Variants in CCDC7 observed in about 807,000 individuals in gnomAD.
CCDC7 encodes coiled-coil domain-containing protein 7.
In CCDC7, 183 loss-of-function variants were observed where a neutral mutation model predicts 196.9. The ratio of observed to expected loss-of-function variants is 0.93; its 90% CI spans 0.82 to 1.05. The LOEUF (loss-of-function observed/expected upper bound fraction) is 1.05. CCDC7 is among the 50% of genes least tolerant of loss of function. The pLI is 0.00. For synonymous variants in CCDC7, 525 were observed against 484.6 expected (o/e 1.08, Z -1.10); for missense variants, 1,540 against 1,482.2 (o/e 1.04, Z -0.64).
chr10:32,602,822 A>G (rs2138402393), intron 18 of CCDC7, among the ~76,000 whole-genome samples: 1 of 152,196 alleles, frequency 6.6e-6, no homozygotes, highest in East Asian at 1.9e-4. Context: ...TAGCTTGTAA[A>G]TGTTTTTGAT....
rs1202615421 is a variant in CCDC7 at position 32,636,040 on chromosome 10, C to T, written c.2014+882C>T. Reference sequence around the variant, plus strand: ...TATTTTAAACTTTATTCTAAAGACACCTCTGTGTATCTAAAAAGTAGCATA... The same window carrying T: ...TATTTTAAACTTTATTCTAAAGACATCTCTGTGTATCTAAAAAGTAGCATA... On this transcript the variant is annotated intron_variant, in intron 20 of 41. Coordinates refer to ENST00000639629, the Ensembl canonical transcript of CCDC7. Among the ~76,000 whole-genome samples the T allele has an allele frequency of 2.6e-5, 4 of 152,152 alleles. No homozygotes were observed. In the South Asian group the frequency reaches 6.2e-4, roughly 24 times the overall value.
At chr10:32,723,355 C>T (rs946530928) in intron 25 of CCDC7, among the ~76,000 whole-genome samples, 35 of 152,134 alleles carry the variant, frequency 2.3e-4, no homozygotes, top group African/African-American at 8.4e-4. Flanking sequence ...GTACCACAGA[C>T]TGATCAGCAT....
At chr10:32,581,190 A>G (rs1337107266) in intron 16 of CCDC7, among the ~76,000 whole-genome samples, 1 of 152,174 alleles carries the variant, frequency 6.6e-6, no homozygotes, top group Non-Finnish European at 1.5e-5. Flanking sequence ...CATGCTCATA[A>G]TTAGACTATT....
In CCDC7 at chr10:32,708,451, G is replaced by A. The variant is rs537241343; in HGVS notation, c.2459-3169G>A. Among the ~76,000 whole-genome samples the A allele has an allele frequency of 7.9e-5, 12 of 152,220 alleles. No homozygotes were observed. In the South Asian group the frequency reaches 8.3e-4, roughly 11 times the overall value. On this transcript the variant is annotated intron_variant, in intron 24 of 41. Transcript: ENST00000639629. ...CTAGAACACCAAAAGCAATGGCAAC[G>A]AAAGCCAAAATAGACAAATGGGATC...
chr10:32,539,902 T>C (rs994751958), intron 11 of CCDC7, among the ~76,000 whole-genome samples: 2 of 152,200 alleles, frequency 1.3e-5, no homozygotes, highest in African/African-American at 4.8e-5. Flanking sequence ...TTGATTTTTT[T>C]TTAACTTGCT....
At chr10:32,511,773 C>G in intron 9 of CCDC7, 1 of 1,470,028 alleles carries the variant, frequency 6.8e-7, no homozygotes, top group Non-Finnish European at 9.5e-7. Context: ...ACTCCAGCCT[C>G]CCGGAAAGCG....
At chr10:32,638,611 G>C (rs1156917054) in intron 20 of CCDC7, among the ~76,000 whole-genome samples, 2 of 152,102 alleles carry the variant, frequency 1.3e-5, no homozygotes, top group Admixed American at 1.3e-4. Context: ...GCTTTCTGAT[G>C]TGCTTCTGGA....
At chr10:32,688,924 T>C in intron 22 of CCDC7, 129 bp from the exon 24 acceptor site, 1 of 645,846 alleles carries the variant, frequency 1.5e-6, no homozygotes, top group Admixed American at 3.1e-5. Context: ...AGATATAGCA[T>C]TATGGTAATT....
chr10:32,659,348 T>C (rs2070726786), intron 20 of CCDC7, among the ~76,000 whole-genome samples: 1 of 152,210 alleles, frequency 6.6e-6, no homozygotes, highest in Non-Finnish European at 1.5e-5. Context: ...TCTGAAAAAT[T>C]TCCTGTGATT....
At chr10:32,478,510 T>C (rs1019197304) in intron 8 of CCDC7, among the ~76,000 whole-genome samples, 47 of 152,190 alleles carry the variant, frequency 3.1e-4, no homozygotes, top group Non-Finnish European at 7.4e-5. Flanking sequence ...CAAAGAGTTT[T>C]TTAAAATTAT....
intron 26 of CCDC7, among the ~76,000 whole-genome samples, chr10:32,727,199 A>G (rs982939853): frequency 6.6e-6 from 1 of 152,162 alleles, no homozygotes; most frequent in African/African-American, 2.4e-5. Context: ...GCTTCAGTCA[A>G]CAAACTGAGA....
chr10:32,853,543 C>T (rs2093641813), intron 40 of CCDC7, among the ~76,000 whole-genome samples: 1 of 152,094 alleles, frequency 6.6e-6, no homozygotes, highest in Admixed American at 6.5e-5. Context: ...GAGAAAGTAC[C>T]ATTCAAATGT....
At chr10:32,471,854 C>T (rs946961627) in intron 6 of CCDC7, among the ~76,000 whole-genome samples, 1 of 152,108 alleles carries the variant, frequency 6.6e-6, no homozygotes, top group Non-Finnish European at 1.5e-5. Context: ...GAGTTGGCTC[C>T]TGGGGGTTGC....
At chr10:32,677,665 A>G (rs559932437) in intron 21 of CCDC7, among the ~76,000 whole-genome samples, 5 of 151,952 alleles carry the variant, frequency 3.3e-5, no homozygotes, top group African/African-American at 4.8e-5. Context: ...AGTTTTGACA[A>G]TTTAATGTGT....
At chr10:32,705,865 C>T (rs751474068) in intron 24 of CCDC7, among the ~76,000 whole-genome samples, 35 of 152,060 alleles carry the variant, frequency 2.3e-4, no homozygotes, top group Non-Finnish European at 4.0e-4. Context: ...CACACAATAA[C>T]AATGGGAGAC....
Position 32,572,138 on chromosome 10 carries a change from C to T in CCDC7, c.1454+245C>T, listed in dbSNP as rs557486186. ...CAATGTAGAAACAAACTTTTTTTTC[C>T]TGACAACAGCAATTAAAATTTCCAG... On this transcript the variant is annotated intron_variant, in intron 16 of 41. Transcript: ENST00000639629. Among the ~76,000 whole-genome samples the T allele has an allele frequency of 2.6e-5, 4 of 151,718 alleles. No individual in the cohort carries two copies. The East Asian group carries it at 7.7e-4, about 29-fold the overall frequency.
At chr10:32,501,856 G>A (rs906268592) in intron 9 of CCDC7, among the ~76,000 whole-genome samples, 6 of 152,220 alleles carry the variant, frequency 3.9e-5, no homozygotes, top group African/African-American at 1.4e-4. Context: ...TCCGTTGTCA[G>A]AGCTTGAACA....
At chr10:32,668,577 T>A (rs997766288) in intron 21 of CCDC7, among the ~76,000 whole-genome samples, 1 of 152,216 alleles carries the variant, frequency 6.6e-6, no homozygotes, top group African/African-American at 2.4e-5. Flanking sequence ...TTTTTTAGCA[T>A]GAAGGGCTGT....
intron 28 of CCDC7, among the ~76,000 whole-genome samples, chr10:32,754,798 G>A (rs1340771938): frequency 6.6e-6 from 1 of 152,148 alleles, no homozygotes; most frequent in Admixed American, 6.5e-5. Flanking sequence ...CCCACAGAGT[G>A]TGAGCTGAAG....
Sources: allele counts gnomAD v4.1 joint callset (sites outside exome capture counted in the v4.1 genomes callset), GRCh38; gene constraint gnomAD v4.1.1; transcripts MANE v1.5; gene names NCBI Gene and HGNC (gene_info 2026-07-23, HGNC 2026-07-21).